CCSER1: variants seen among roughly 807,000 people sequenced by gnomAD.
The protein encoded by CCSER1 is serine-rich coiled-coil domain-containing protein 1.
CCSER1 carries 41 observed loss-of-function variants against 82.0 expected under a neutral mutation model. The ratio of observed to expected loss-of-function variants is 0.50; its 90% CI spans 0.39 to 0.65. The LOEUF is 0.65. Ranked by LOEUF, CCSER1 falls within the 30% of genes least tolerant of loss-of-function variation. The pLI, the probability that CCSER1 is intolerant of heterozygous loss-of-function variation, is 0.00. For missense variants in CCSER1, 1,119 were observed against 1,064.2 expected, an observed-to-expected ratio of 1.05 and a Z score of -0.72; for synonymous variants, 414 against 383.9, an observed-to-expected ratio of 1.08 and a Z score of -0.92.
intron 9 of CCSER1, among the ~76,000 whole-genome samples, chr4:91,038,188 T>C (rs905720884): frequency 2.0e-5 from 3 of 152,174 alleles, no homozygotes; most frequent in African/African-American, 7.2e-5. Flanking sequence ...GAGCAGTAAG[T>C]ACTGACTGTC....
intron 7 of CCSER1, among the ~76,000 whole-genome samples, chr4:90,732,489 T>C (rs527609795): frequency 6.6e-6 from 1 of 152,300 alleles, no homozygotes; most frequent in South Asian, 2.1e-4. Context: ...AGGAACCCTG[T>C]ACCTAGTGTA....
chr4:90,353,741 C>T (rs948286518), intron 3 of CCSER1, among the ~76,000 whole-genome samples: 16 of 152,176 alleles, frequency 1.1e-4, no homozygotes, highest in African/African-American at 3.6e-4. Context: ...TGCAGGAAAG[C>T]ACTCTCCTCC....
intron 10 of CCSER1, among the ~76,000 whole-genome samples, chr4:91,149,586 T>C (rs1251520953): frequency 6.6e-6 from 1 of 152,242 alleles, no homozygotes; most frequent in Non-Finnish European, 1.5e-5. Context: ...TGCCTAGGTT[T>C]TCTGCTAGAG....
chr4:90,451,632 A>G (rs899789577), intron 4 of CCSER1, among the ~76,000 whole-genome samples: 15 of 152,148 alleles, frequency 9.9e-5, no homozygotes, highest in African/African-American at 3.4e-4. Flanking sequence ...AGCCATCCTG[A>G]GGACTGAAGT....
intron 10 of CCSER1, among the ~76,000 whole-genome samples, chr4:91,479,385 T>C (rs1578569675): frequency 6.6e-6 from 1 of 151,984 alleles, no homozygotes; most frequent in South Asian, 2.1e-4. Context: ...ACTGATATGA[T>C]AGAGAATTAG....
intron 6 of CCSER1, among the ~76,000 whole-genome samples, chr4:90,694,828 T>G (rs112146392): frequency 2.4e-5 from 3 of 125,392 alleles, no homozygotes; most frequent in Admixed American, 8.2e-5. Context: ...GTGTGTGTGT[T>G]TTAGTTTATG....
chr4:91,105,838 T>A (rs1725555230), intron 10 of CCSER1, among the ~76,000 whole-genome samples: 2 of 152,224 alleles, frequency 1.3e-5, no homozygotes, highest in Admixed American at 1.3e-4. Flanking sequence ...GCTAGTTTGA[T>A]GGTAAAAACC....
intron 10 of CCSER1, among the ~76,000 whole-genome samples, chr4:91,507,680 A>AT (rs927421609): frequency 1.3e-5 from 2 of 150,880 alleles, no homozygotes; most frequent in East Asian, 1.9e-4. Flanking sequence ...ATATAACTTA[A>AT]TTTTTTTTCT....
In CCSER1 at chr4:91,426,736, G is replaced by C. The variant is rs567759197; in HGVS notation, c.2218-171836G>C. Among the ~76,000 whole-genome samples, 264 of 152,128 alleles carry C rather than the reference G, an allele frequency of 1.7e-3. 2 individuals carry two copies. The highest frequency in any genetic ancestry group is 6.2e-3 in the African/African-American group (257 of 41,528). ...TTCTGATTTGTGTGTTTGCATATTT[G>C]TATGTAAATTTTGGATACTTAATAG... On this transcript the variant is annotated intron_variant, in intron 10 of 10. Transcript: ENST00000509176.
intron 6 of CCSER1, among the ~76,000 whole-genome samples, chr4:90,633,281 G>A (rs934487105): frequency 2.6e-5 from 4 of 151,960 alleles, no homozygotes; most frequent in African/African-American, 9.7e-5. Context: ...GATGGAATGA[G>A]GATCAAAGTA....
At chr4:90,539,630 C>A (rs1775857685) in intron 5 of CCSER1, among the ~76,000 whole-genome samples, 1 of 151,912 alleles carries the variant, frequency 6.6e-6, no homozygotes, top group Non-Finnish European at 1.5e-5. Flanking sequence ...CAGAGTCTGG[C>A]AAATAAATGT....
rs577926191 is a variant in CCSER1 at position 91,233,744 on chromosome 4, A to G, written c.2217+147750A>G. ...TATCTCTGCTCACAACAGATGGTCTATTTAGTATATAAATTCAGTTTAATG... is the reference window on the plus strand; with the variant it reads ...TATCTCTGCTCACAACAGATGGTCTGTTTAGTATATAAATTCAGTTTAATG... On this transcript the variant is annotated intron_variant, in intron 10 of 10. Transcript: ENST00000509176. 2.0e-5 allele frequency among the ~76,000 whole-genome samples: 3 copies of G among 152,102 alleles called. No individual in the cohort carries two copies. In the East Asian group the frequency reaches 5.8e-4, roughly 29 times the overall value.
chr4:91,130,396 C>G lies in CCSER1; in HGVS notation c.2217+44402C>G, dbSNP rs1038442617. Among the ~76,000 whole-genome samples the G allele has an allele frequency of 2.0e-5, 3 of 151,922 alleles. No homozygotes were observed. The South Asian group carries it at 6.2e-4, about 31-fold the overall frequency. On this transcript the variant is annotated intron_variant, in intron 10 of 10. Transcript: ENST00000509176. ...CTTACACCTAAATGTATTGTATTCT[C>G]TGTGTGTCTGGATAATGAAGGAAAT...
chr4:90,307,527 C>T (rs1734525122), intron 1 of CCSER1, among the ~76,000 whole-genome samples: 1 of 150,288 alleles, frequency 6.7e-6, no homozygotes, highest in Non-Finnish European at 1.5e-5. Flanking sequence ...GGAGGGATGG[C>T]ATAAGAGAAT....
At chr4:91,384,523 G>T (rs534425956) in intron 10 of CCSER1, among the ~76,000 whole-genome samples, 70 of 151,770 alleles carry the variant, frequency 4.6e-4, no homozygotes, top group Non-Finnish European at 8.7e-4. Context: ...ATGTCATTTA[G>T]GATAAGATAC....
intron 10 of CCSER1, among the ~76,000 whole-genome samples, chr4:91,582,405 T>G (rs1280331268): frequency 6.6e-6 from 1 of 151,624 alleles, no homozygotes; most frequent in Non-Finnish European, 1.5e-5. Context: ...ATTTTTTGCC[T>G]GATTGAAATG....
At chr4:91,008,368 A>G (rs939786648) in intron 9 of CCSER1, among the ~76,000 whole-genome samples, 1 of 152,110 alleles carries the variant, frequency 6.6e-6, no homozygotes, top group Non-Finnish European at 1.5e-5. Flanking sequence ...TTTGCTTTAT[A>G]TATTTAGGTG....
chr4:91,432,338 A>C (rs748339222), intron 10 of CCSER1, among the ~76,000 whole-genome samples: 7 of 152,238 alleles, frequency 4.6e-5, no homozygotes, highest in Non-Finnish European at 8.8e-5. Context: ...ACATCTGTGA[A>C]TAGAATTATA....
chr4:90,449,224 A>G (rs995588575), intron 4 of CCSER1, among the ~76,000 whole-genome samples: 1 of 152,130 alleles, frequency 6.6e-6, no homozygotes, highest in African/African-American at 2.4e-5. Flanking sequence ...CACAGTGGGT[A>G]TCTCCTCTGC....
Sources: gnomAD v4.1 joint callset for allele counts (sites outside exome capture counted in the v4.1 genomes callset) on GRCh38, gnomAD v4.1.1 for gene constraint, MANE v1.5 for transcripts, NCBI Gene and HGNC (gene_info 2026-07-23, HGNC 2026-07-21) for gene names.